AGBL4: variants seen among roughly 807,000 people sequenced by gnomAD.
The protein encoded by AGBL4 is cytosolic carboxypeptidase 6.
Under a neutral mutation model 66.4 loss-of-function variants are expected in AGBL4, and 58 were observed. The ratio of observed to expected loss-of-function variants is 0.87; its 90% CI spans 0.71 to 1.09. AGBL4 has a LOEUF of 1.09. Ranked by LOEUF, AGBL4 falls within the 50% of genes least tolerant of loss-of-function variation. The probability of loss-of-function intolerance (pLI) is 0.00; values close to 1 mark genes in which losing one functional copy is unlikely to be tolerated. For missense variants in AGBL4, 579 were observed against 631.0 expected (o/e 0.92, Z 0.88); for synonymous variants, 234 against 222.9 (o/e 1.05, Z -0.44).
At chr1:48,824,070 T>C (rs1646373803) in intron 6 of AGBL4, among the ~76,000 whole-genome samples, 2 of 152,330 alleles carry the variant, frequency 1.3e-5, no homozygotes, top group Admixed American at 1.3e-4. Flanking sequence ...GCCATGTGTT[T>C]CTTTGAGCCT....
At chr1:49,555,596 T>C (rs1571022188) in intron 3 of AGBL4, among the ~76,000 whole-genome samples, 1 of 150,962 alleles carries the variant, frequency 6.6e-6, no homozygotes, top group East Asian at 2.0e-4. Context: ...GTCTAGCTAA[T>C]CTAGTGGGGA....
At chr1:48,992,850 G>A (rs958022596) in intron 5 of AGBL4, among the ~76,000 whole-genome samples, 1 of 152,046 alleles carries the variant, frequency 6.6e-6, no homozygotes, top group African/African-American at 2.4e-5. Context: ...AGTGAATCTG[G>A]CCAGGCCTGA....
At chr1:49,065,248 C>T (rs1644471072) in intron 4 of AGBL4, among the ~76,000 whole-genome samples, 2 of 152,244 alleles carry the variant, frequency 1.3e-5, no homozygotes, top group South Asian at 4.1e-4. Context: ...TACTCTCCTG[C>T]CTCTATGGAC....
chr1:49,579,171 G>A (rs1048329194), intron 3 of AGBL4, among the ~76,000 whole-genome samples: 2 of 152,000 alleles, frequency 1.3e-5, no homozygotes, highest in African/African-American at 2.4e-5. Flanking sequence ...AGCCAATTAC[G>A]GTACCTTGTG....
chr1:49,811,243 G>A (rs1645095548), intron 2 of AGBL4, among the ~76,000 whole-genome samples: 2 of 152,172 alleles, frequency 1.3e-5, no homozygotes, highest in Non-Finnish European at 2.9e-5. Context: ...GTGCTCTGCA[G>A]ACTTCCTGAA....
At chr1:49,579,457 G>A (rs1644499557) in intron 3 of AGBL4, among the ~76,000 whole-genome samples, 1 of 152,074 alleles carries the variant, frequency 6.6e-6, no homozygotes, top group Non-Finnish European at 1.5e-5. Context: ...CTTGCAGAAT[G>A]TCCCATGTGC....
intron 1 of AGBL4, among the ~76,000 whole-genome samples, chr1:49,880,171 A>G (rs992226589): frequency 5.3e-5 from 8 of 151,870 alleles, no homozygotes; most frequent in African/African-American, 1.9e-4. Flanking sequence ...CGTCAAAATC[A>G]TTCTCCATCC....
At chr1:49,666,449 C>T (rs1479767165) in intron 3 of AGBL4, among the ~76,000 whole-genome samples, 2 of 151,844 alleles carry the variant, frequency 1.3e-5, no homozygotes, top group Non-Finnish European at 2.9e-5. Context: ...ACCTGTAATC[C>T]CAGCTACTCA....
intron 3 of AGBL4, among the ~76,000 whole-genome samples, chr1:49,499,715 G>A (rs1426588795): frequency 6.7e-6 from 1 of 149,658 alleles, no homozygotes; most frequent in Non-Finnish European, 1.5e-5. Flanking sequence ...TGGCTGAATG[G>A]TATTCATATA....
intron 2 of AGBL4, among the ~76,000 whole-genome samples, chr1:49,758,394 C>G (rs557361407): frequency 2.6e-5 from 4 of 152,168 alleles, no homozygotes; most frequent in Admixed American, 2.0e-4. Flanking sequence ...AAGAAGATGG[C>G]CACCATCCTC....
chr1:49,958,694 TG>T (rs1181025697), intron 1 of AGBL4, among the ~76,000 whole-genome samples: 1 of 41,460 alleles, frequency 2.4e-5, no homozygotes, highest in African/African-American at 9.6e-5. Context: ...GGGCCTGTTG[TG>T]GGGTTGGGGA....
chr1:49,870,245 T>C (rs1228806194), intron 1 of AGBL4, among the ~76,000 whole-genome samples: 1 of 152,104 alleles, frequency 6.6e-6, no homozygotes, highest in Admixed American at 6.6e-5. Flanking sequence ...TTTTTGTTTT[T>C]AAATGAAAAT....
intron 4 of AGBL4, among the ~76,000 whole-genome samples, chr1:49,070,767 C>G (rs1330252043): frequency 6.6e-6 from 1 of 151,886 alleles, no homozygotes; most frequent in African/African-American, 2.4e-5. Flanking sequence ...AGGGAGGATT[C>G]CCTCTTTTTC....
intron 3 of AGBL4, among the ~76,000 whole-genome samples, chr1:49,313,450 G>T (rs1026915939): frequency 3.3e-5 from 5 of 152,156 alleles, no homozygotes; most frequent in Admixed American, 6.5e-5. Flanking sequence ...GAATCACCAT[G>T]CTGTCTTTCA....
At chr1:49,373,207 A>G (rs1292152593) in intron 3 of AGBL4, among the ~76,000 whole-genome samples, 2 of 152,134 alleles carry the variant, frequency 1.3e-5, no homozygotes, top group Non-Finnish European at 2.9e-5. Flanking sequence ...TATTTTGTTC[A>G]CCCATTAAAC....
chr1:49,706,233 A>G (rs1358543251), intron 2 of AGBL4, among the ~76,000 whole-genome samples: 1 of 152,004 alleles, frequency 6.6e-6, no homozygotes, highest in African/African-American at 2.4e-5. Context: ...AGAACATTTT[A>G]TTGGTCTAAT....
At chr1:49,669,757 C>T (rs965208043) in intron 3 of AGBL4, among the ~76,000 whole-genome samples, 2 of 152,050 alleles carry the variant, frequency 1.3e-5, no homozygotes, top group African/African-American at 4.8e-5. Flanking sequence ...CAAATCTTAT[C>T]ACATCAACTT....
At chr1:48,596,526 G>T (rs767291790) in intron 9 of AGBL4, among the ~76,000 whole-genome samples, 1 of 152,142 alleles carries the variant, frequency 6.6e-6, no homozygotes, top group Non-Finnish European at 1.5e-5. Context: ...CAGAAAAATT[G>T]AGGACTCTTT....
In AGBL4 at chr1:49,734,811, A is replaced by C. The variant is rs1649733619; in HGVS notation, c.158-37374T>G. Among the ~76,000 whole-genome samples the C allele has an allele frequency of 2.4e-5, 3 of 122,568 alleles. No homozygotes were observed. In the South Asian group the frequency reaches 7.6e-4, roughly 31 times the overall value. The allele number at this position is 122,568 out of a possible 152,430, so 80.4% of individuals were successfully genotyped here. On this transcript the variant is annotated intron_variant, in intron 2 of 13. Transcript: ENST00000371839. ...AAATAATCTATAATAGCAAATAGCA[A>C]AAAATTTTAAAAATAATAATAATCA...
Sources: allele counts gnomAD v4.1 joint callset (sites outside exome capture counted in the v4.1 genomes callset), GRCh38; gene constraint gnomAD v4.1.1; transcripts MANE v1.5; gene names NCBI Gene and HGNC (gene_info 2026-07-23, HGNC 2026-07-21).